Variants in ADRA1B observed in about 807,000 individuals in gnomAD.
ADRA1B encodes adrenoceptor alpha 1B.
Under a neutral mutation model 17.9 loss-of-function variants are expected in ADRA1B, and 17 were observed. That is an observed-to-expected ratio of 0.95 (90% CI 0.65 to 1.42). The LOEUF (loss-of-function observed/expected upper bound fraction) is 1.42, where lower values mean the gene tolerates loss of function less well. Among genes scored for constraint, ADRA1B ranks in the 40% most tolerant of loss-of-function variants. The pLI is 0.00. For synonymous variants in ADRA1B, 366 were observed against 327.6 expected (o/e 1.12, Z -1.27); for missense variants, 681 against 722.1 (o/e 0.94, Z 0.65).
chr5:159,924,106 T>A (rs1454918385), intron 1 of ADRA1B, among the ~76,000 whole-genome samples: 1 of 152,274 alleles, frequency 6.6e-6, no homozygotes, highest in African/African-American at 2.4e-5. Flanking sequence ...CACCCAGAGA[T>A]TTTACTGGCT....
chr5:159,962,881 T>C (rs1490436246), intron 1 of ADRA1B, among the ~76,000 whole-genome samples: 2 of 146,960 alleles, frequency 1.4e-5, no homozygotes, highest in African/African-American at 5.0e-5. Context: ...CTTGTTTGGT[T>C]TTTAGCTTTT....
At chr5:159,929,154 T>C (rs183863758) in intron 1 of ADRA1B, 10 of 152,266 alleles carry the variant, frequency 6.6e-5, no homozygotes, top group African/African-American at 1.9e-4. Flanking sequence ...AAACCAATTA[T>C]ATTGAAATAC....
intron 1 of ADRA1B, among the ~76,000 whole-genome samples, chr5:159,952,198 T>C (rs1755456546): frequency 6.6e-6 from 1 of 152,164 alleles, no homozygotes; most frequent in Non-Finnish European, 1.5e-5. Context: ...CCCCAGTGGA[T>C]GCCTAAAACC....
At chr5:159,921,564 G>A (rs1459268319) in intron 1 of ADRA1B, among the ~76,000 whole-genome samples, 3 of 152,292 alleles carry the variant, frequency 2.0e-5, no homozygotes, top group Non-Finnish European at 2.9e-5. Context: ...GTGCTCCGCA[G>A]CCAACCAGTA....
In ADRA1B at chr5:159,917,748, C is replaced by T; in HGVS notation, c.843C>T (p.Val281=). The T allele has an allele frequency of 6.2e-7, 1 of 1,614,130 alleles. No individual in the cohort carries two copies. The highest frequency in any genetic ancestry group is 8.5e-7 in the Non-Finnish European group (1 of 1,180,038). The change falls in exon 1 of 2, where the codon GTC becomes GTT. Residue 281 remains valine, a synonymous_variant. Transcript: ENST00000306675. ...KGHNPRSSIA[V]KLFKFSREKK... Reference sequence around the variant, plus strand: ...ACAACCCCAGGAGTTCCATAGCTGTCAAACTTTTTAAGTTCTCCAGGGAAA... The same window carrying T: ...ACAACCCCAGGAGTTCCATAGCTGTTAAACTTTTTAAGTTCTCCAGGGAAA...
intron 1 of ADRA1B, among the ~76,000 whole-genome samples, chr5:159,955,922 GTC>G (rs143519789): frequency 2.7e-4 from 40 of 149,004 alleles, no homozygotes; most frequent in Non-Finnish European, 2.7e-4. Context: ...CTTTCTCTTT[GTC>G]TCTCTCTCTC....
chr5:159,872,874 G>T (rs550336048), intron 1 of ADRA1B, among the ~76,000 whole-genome samples: 2 of 152,056 alleles, frequency 1.3e-5, no homozygotes, highest in African/African-American at 4.8e-5. Flanking sequence ...CATCATCTAG[G>T]TTTTAAGCCC....
intron 1 of ADRA1B, among the ~76,000 whole-genome samples, chr5:159,903,844 G>C (rs190369940): frequency 1.6e-4 from 24 of 152,232 alleles, no homozygotes; most frequent in Non-Finnish European, 2.8e-4. Context: ...CTGGAGGGGA[G>C]GGTCCGCCTG....
chr5:159,952,887 C>T (rs780688560), intron 1 of ADRA1B, among the ~76,000 whole-genome samples: 2 of 152,182 alleles, frequency 1.3e-5, no homozygotes, highest in African/African-American at 4.8e-5. Flanking sequence ...CAGGACACTG[C>T]GTAAGAAGCC....
intron 1 of ADRA1B, among the ~76,000 whole-genome samples, chr5:159,918,685 G>C (rs1396844557): frequency 6.6e-6 from 1 of 152,164 alleles, no homozygotes; most frequent in Non-Finnish European, 1.5e-5. Flanking sequence ...TCTTCTTTTT[G>C]TTTGGTGGTC....
chr5:159,971,855 T>TG, intron 1 of ADRA1B, 24 bp from the exon 2 acceptor site: 1 of 435,070 alleles, frequency 2.3e-6, no homozygotes, highest in Non-Finnish European at 3.6e-6. Flanking sequence ...TTTCTGCCCG[T>TG]GCCCACCCCC....
At chr5:159,973,192 C>A (rs1755920386), downstream of ADRA1B, among the ~76,000 whole-genome samples, 1 of 152,252 alleles carries the variant, frequency 6.6e-6, no homozygotes, top group Non-Finnish European at 1.5e-5. Context: ...TGCTGGCTCC[C>A]CTAGGTCCCA....
At chr5:159,879,271 A>T (rs1753831692) in intron 1 of ADRA1B, among the ~76,000 whole-genome samples, 2 of 152,126 alleles carry the variant, frequency 1.3e-5, no homozygotes, top group Non-Finnish European at 2.9e-5. Context: ...GTGACTGACG[A>T]TGGACCAGCT....
chr5:159,972,512 C>G lies in ADRA1B; in HGVS notation c.*20C>G, dbSNP rs956850429. 1 of 1,032,658 alleles carries G rather than the reference C, an allele frequency of 9.7e-7. No individual in the cohort carries two copies. Among genetic ancestry groups the G allele is most frequent in the Admixed American group, 6.9e-5 (1 of 14,552 alleles). The allele number at this position is 1,032,658 out of a possible 1,614,324, so 64.0% of individuals were successfully genotyped here. On this transcript the variant is annotated 3_prime_UTR_variant, in exon 2 of 2. Coordinates refer to ENST00000306675, the MANE Select transcript of ADRA1B (RefSeq NM_000679.4). ...TTTTAGGGCCCCCGTGCGCAGCTTT[C>G]TTTCCCTGGGGAGGAAAACATCGTG...
At chr5:159,884,199 A>G (rs1333306734) in intron 1 of ADRA1B, among the ~76,000 whole-genome samples, 1 of 152,244 alleles carries the variant, frequency 6.6e-6, no homozygotes, top group Non-Finnish European at 1.5e-5. Flanking sequence ...CATGTAAGTG[A>G]GGAATATTTT....
chr5:159,978,214 G>T, the ADRA1B span, among the ~76,000 whole-genome samples: 1 of 152,284 alleles, frequency 6.6e-6, no homozygotes, highest in Non-Finnish European at 1.5e-5. Context: ...AGCACTTCAT[G>T]TAGTACCTGA....
chr5:159,914,946 A>T (rs1398699672), upstream of ADRA1B, among the ~76,000 whole-genome samples: 1 of 152,200 alleles, frequency 6.6e-6, no homozygotes, highest in Non-Finnish European at 1.5e-5. Flanking sequence ...TGACCTCAGG[A>T]ATCAACTGAC....
chr5:159,926,858 G>T (rs1754667901), intron 1 of ADRA1B, among the ~76,000 whole-genome samples: 3 of 152,112 alleles, frequency 2.0e-5, no homozygotes, highest in Admixed American at 2.0e-4. Flanking sequence ...CTGCACTTCA[G>T]CCTGGCAGAC....
chr5:159,945,107 C>A (rs768609315), intron 1 of ADRA1B, among the ~76,000 whole-genome samples: 1 of 152,150 alleles, frequency 6.6e-6, no homozygotes, highest in Non-Finnish European at 1.5e-5. Context: ...GGGCCGGGTG[C>A]GGTGGCTCAC....
Sources: allele counts gnomAD v4.1 joint callset (sites outside exome capture counted in the v4.1 genomes callset), GRCh38; gene constraint gnomAD v4.1.1; transcripts MANE v1.5; gene names NCBI Gene and HGNC (gene_info 2026-07-23, HGNC 2026-07-21).